The following CNTLN variants were observed in gnomAD, a reference collection of about 807,000 sequenced individuals.
CNTLN encodes centlein, centrosomal protein.
A neutral mutation model predicts 180.0 loss-of-function variants in CNTLN; 212 were observed. That is an observed-to-expected ratio of 1.18 (90% confidence interval 1.05 to 1.32). The LOEUF is 1.32. Ranked by LOEUF, CNTLN falls within the 40% of genes most tolerant of loss-of-function variation. The pLI is 0.00. For missense variants in CNTLN, 2,095 were observed against 1,610.9 expected (o/e 1.30, Z -5.14); for synonymous variants, 722 against 563.1 (o/e 1.28, Z -3.99).
intron 12 of CNTLN, among the ~76,000 whole-genome samples, chr9:17,358,367 A>T (rs757967354): frequency 4.6e-5 from 7 of 152,132 alleles, no homozygotes; most frequent in Admixed American, 1.3e-4. Flanking sequence ...AAAGTTGAAT[A>T]ACAGTATATA....
intron 2 of CNTLN, among the ~76,000 whole-genome samples, chr9:17,168,949 C>G (rs1251934396): frequency 6.6e-6 from 1 of 152,140 alleles, no homozygotes; most frequent in East Asian, 1.9e-4. Context: ...AGTTTGTTCA[C>G]TGCCGTAGTC....
rs112406049 is a variant in CNTLN at position 17,469,143 on chromosome 9, G to A, written c.3855+2252G>A. 6.6e-3 allele frequency among the ~76,000 whole-genome samples: 1,005 copies of A among 151,770 alleles called. 10 individuals are homozygous for A. Among genetic ancestry groups the A allele is most frequent in the African/African-American group, 0.023 (966 of 41,460 alleles). On this transcript the variant is annotated intron_variant, in intron 23 of 25. Transcript: ENST00000380647. Reference sequence around the variant, plus strand: ...GAATCAAAATCCTGTCTGGAGTGGAGCCTAATCTGCATTTTACAAGTTAAC... The same window carrying A: ...GAATCAAAATCCTGTCTGGAGTGGAACCTAATCTGCATTTTACAAGTTAAC...
chr9:17,244,479 A>C (rs1825687465), intron 5 of CNTLN, among the ~76,000 whole-genome samples: 1 of 152,058 alleles, frequency 6.6e-6, no homozygotes, highest in East Asian at 1.9e-4. Context: ...CTGCCTTCCA[A>C]AGTGCTGGGG....
At chr9:17,281,890 A>T in intron 6 of CNTLN, among the ~76,000 whole-genome samples, 1 of 152,164 alleles carries the variant, frequency 6.6e-6, no homozygotes, top group Non-Finnish European at 1.5e-5. Flanking sequence ...GGTTGCACTA[A>T]TATACATTCC....
chr9:17,249,822 C>T lies in CNTLN; in HGVS notation c.849+13234C>T, dbSNP rs567420117. ...TTATGGTGTGTCCTGGTGAATGTTT[C>T]ATATGTACTTGAGTAGCACGTTTAT... On this transcript the variant is annotated intron_variant, in intron 5 of 25. Coordinates refer to ENST00000380647, the MANE Select transcript of CNTLN (RefSeq NM_017738.4). 1.1e-4 allele frequency among the ~76,000 whole-genome samples: 16 copies of T among 150,378 alleles called. No individual in the cohort carries two copies. In the South Asian group the frequency reaches 3.2e-3, roughly 30 times the overall value.
chr9:17,139,176 C>T (rs1048509860), intron 1 of CNTLN, among the ~76,000 whole-genome samples: 1 of 152,006 alleles, frequency 6.6e-6, no homozygotes, highest in Non-Finnish European at 1.5e-5. Flanking sequence ...TAACCTCTGC[C>T]TCCCTGGTTC....
chr9:17,305,199 C>G (rs1818625535), intron 7 of CNTLN, among the ~76,000 whole-genome samples: 1 of 151,978 alleles, frequency 6.6e-6, no homozygotes, highest in Non-Finnish European at 1.5e-5. Flanking sequence ...TCCTTTTAAC[C>G]TTTTTCACTT....
At chr9:17,227,904 G>T (rs78854261) in intron 3 of CNTLN, among the ~76,000 whole-genome samples, 11,427 of 152,036 alleles carry the variant, frequency 0.075, 639 homozygotes, top group East Asian at 0.18. Context: ...TCTAAAATAG[G>T]TAAATGTTGT....
At chr9:17,481,786 C>T (rs981331587) in intron 23 of CNTLN, among the ~76,000 whole-genome samples, 3 of 152,238 alleles carry the variant, frequency 2.0e-5, no homozygotes, top group Non-Finnish European at 2.9e-5. Context: ...TAGCCAGCAG[C>T]CCTGTCTGAC....
chr9:17,265,238 T>C (rs1446627737), intron 5 of CNTLN, among the ~76,000 whole-genome samples: 1 of 151,276 alleles, frequency 6.6e-6, no homozygotes, highest in East Asian at 1.9e-4. Context: ...TTATTGAGAG[T>C]TTTTAGCATG....
At chr9:17,160,176 A>G (rs947226049) in intron 2 of CNTLN, among the ~76,000 whole-genome samples, 2 of 152,110 alleles carry the variant, frequency 1.3e-5, no homozygotes, top group African/African-American at 4.8e-5. Flanking sequence ...TTTATCTGAA[A>G]TGTAAAAAAT....
At chr9:17,500,673 A>G (rs1439930849) in intron 25 of CNTLN, among the ~76,000 whole-genome samples, 2 of 152,188 alleles carry the variant, frequency 1.3e-5, no homozygotes, top group African/African-American at 4.8e-5. Context: ...TCCCAAATGT[A>G]TTTGATTAGA....
At chr9:17,511,204 A>G in the CNTLN span, among the ~76,000 whole-genome samples, 2 of 152,218 alleles carry the variant, frequency 1.3e-5, no homozygotes, top group African/African-American at 4.8e-5. Flanking sequence ...ATGGGATGAT[A>G]AGGACAGGTT....
At chr9:17,378,360 TA>T (rs895683734) in intron 13 of CNTLN, among the ~76,000 whole-genome samples, 2 of 152,252 alleles carry the variant, frequency 1.3e-5, no homozygotes, top group Admixed American at 1.3e-4. Flanking sequence ...TGTATTTTTT[TA>T]GTAGAGATGG....
chr9:17,480,009 C>A (rs1274549019), intron 23 of CNTLN, among the ~76,000 whole-genome samples: 1 of 152,038 alleles, frequency 6.6e-6, no homozygotes, highest in Non-Finnish European at 1.5e-5. Context: ...TGCTTGAAAT[C>A]AATCATGGTG....
At chr9:17,214,150 C>T (rs953153485) in intron 2 of CNTLN, among the ~76,000 whole-genome samples, 7 of 152,130 alleles carry the variant, frequency 4.6e-5, no homozygotes, top group South Asian at 4.1e-4. Flanking sequence ...TTCCTAGCCT[C>T]GATGGTCTTT....
chr9:17,415,762 C>A (rs1395855073), intron 16 of CNTLN, 26 bp from the exon 17 acceptor site: 4 of 1,326,116 alleles, frequency 3.0e-6, no homozygotes, highest in Non-Finnish European at 4.3e-6. Flanking sequence ...AGAATAATAC[C>A]ATTTTTATGA....
chr9:17,211,084 C>A (rs1563884487), intron 2 of CNTLN, among the ~76,000 whole-genome samples: 1 of 152,116 alleles, frequency 6.6e-6, no homozygotes, highest in Non-Finnish European at 1.5e-5. Context: ...TCAATTTTGG[C>A]TTTTGTTGCC....
Position 17,308,795 on chromosome 9 carries a change from A to G in CNTLN, c.1147-263A>G, listed in dbSNP as rs117963003. Among the ~76,000 whole-genome samples, 755 of 151,944 alleles carry G rather than the reference A, an allele frequency of 5.0e-3. 5 individuals are homozygous for G. The highest frequency in any genetic ancestry group is 9.1e-3 in the Admixed American group (139 of 15,252). On this transcript the variant is annotated intron_variant, in intron 7 of 25. Coordinates refer to ENST00000380647, the MANE Select transcript of CNTLN (RefSeq NM_017738.4). ...TTCTTTTCCTATATTACACTGGCTA[A>G]TAATACATATTGCCTTTTTAACATA... is the stretch of plus-strand genomic sequence containing the variant.
Sources: allele counts gnomAD v4.1 joint callset (sites outside exome capture counted in the v4.1 genomes callset), GRCh38; gene constraint gnomAD v4.1.1; transcripts MANE v1.5; gene names NCBI Gene and HGNC (gene_info 2026-07-23, HGNC 2026-07-21).